Variants in GPX3 observed in about 807,000 individuals in gnomAD.
GPX3 encodes the protein glutathione peroxidase 3.
In GPX3, 22 loss-of-function variants were observed where a neutral mutation model predicts 25.1. That is an observed-to-expected ratio of 0.88 (90% confidence interval 0.63 to 1.25). The LOEUF is 1.25. GPX3 is among the 50% of genes most tolerant of loss of function. GPX3 has a pLI of 0.00. For missense variants in GPX3, 278 were observed against 286.6 expected (o/e 0.97, Z 0.22); for synonymous variants, 110 against 114.5 (o/e 0.96, Z 0.25).
Position 151,027,929 on chromosome 5 carries a change from G to A in GPX3, c.480G>A (p.Ser160=), listed in dbSNP as rs779516716. 34 of 1,613,994 alleles carry A rather than the reference G, an allele frequency of 2.1e-5. No homozygotes were observed. Among genetic ancestry groups the A allele is most frequent in the Admixed American group, 5.0e-5 (3 of 60,002 alleles). ...TCTAGAACTCCTGTCCTCCCACCTC[G>A]GAGCTCCTGGGTACATCTGACCGCC... ...TFLKNSCPPT[S]ELLGTSDRLF... The change falls in exon 5 of 5, where the codon TCG becomes TCA. Residue 160 remains serine (S), a synonymous_variant. Coordinates refer to ENST00000388825, the MANE Select transcript of GPX3 (RefSeq NM_002084.5).
At chr5:151,027,816 T>G (rs553621726) in intron 4 of GPX3, 93 bp from the exon 5 acceptor site, 1 of 1,094,216 alleles carries the variant, frequency 9.1e-7, no homozygotes, top group African/African-American at 1.5e-5. Context: ...GGGGCTCTTT[T>G]CTCAGGGCCA....
chr5:151,026,829 G>T, intron 2 of GPX3, 71 bp from the exon 3 acceptor site: 1 of 1,089,510 alleles, frequency 9.2e-7, no homozygotes, highest in South Asian at 1.4e-5. Flanking sequence ...GGGTGAGCCG[G>T]GGGAGTGGTG....
In GPX3 at chr5:151,020,651, C is replaced by T. The variant is rs1396576513; in HGVS notation, c.-4C>T. On this transcript the variant is annotated 5_prime_UTR_variant, in exon 1 of 5. Coordinates refer to ENST00000388825, the MANE Select transcript of GPX3 (RefSeq NM_002084.5). ...GGCGACCCTGAGTGTGCCCCCACCC[C>T]GCCATGGCCCGGCTGCTGCAGGCGT... is the stretch of plus-strand genomic sequence containing the variant. The T allele has an allele frequency of 6.2e-7, 1 of 1,605,916 alleles. No homozygotes were observed. The highest frequency in any genetic ancestry group is 1.7e-5 in the Admixed American group (1 of 59,572).
In GPX3 at chr5:151,028,977, C is replaced by T. The variant is rs1756621666; in HGVS notation, c.*847C>T. 3 of 152,834 alleles carry T rather than the reference C, an allele frequency of 2.0e-5. No homozygotes were observed. The South Asian group carries it at 6.2e-4, about 32-fold the overall frequency. 9.5% of individuals were successfully genotyped at this position (152,834 alleles called of 1,614,324 possible). A position where few individuals can be genotyped will look rare whatever the true frequency, so the allele number is the denominator to read the frequency against. ...CTCACCCCGTCTGCCCAGTAAAAGC[C>T]TTTCTGCAGCAGCTGAGCCTACTGT... is the stretch of plus-strand genomic sequence containing the variant. On this transcript the variant is annotated 3_prime_UTR_variant, in exon 5 of 5. Coordinates refer to ENST00000388825, the MANE Select transcript of GPX3 (RefSeq NM_002084.5).
rs759363512 is a variant in GPX3 at position 151,025,381 on chromosome 5, C to T, written c.129C>T (p.Tyr43=). The T allele has an allele frequency of 9.3e-6, 15 of 1,609,502 alleles. No homozygotes were observed. The highest frequency in any genetic ancestry group is 4.5e-5 in the East Asian group (2 of 44,412). The change falls in exon 2 of 5, where the codon TAC becomes TAT. Residue 43 remains tyrosine, a synonymous_variant. Coordinates refer to ENST00000388825, the MANE Select transcript of GPX3 (RefSeq NM_002084.5). ...GCATAAGTGGCACCATTTACGAGTA[C>T]GGAGCCCTCACCATTGATGGGGAGG... ...HGGISGTIYE[Y]GALTIDGEEY...
Position 151,026,881 on chromosome 5 carries a change from CTCTT to C in GPX3, c.242-15_242-12del, listed in dbSNP as rs776752104. The stretch of plus-strand genomic sequence containing the variant: ...CCTCGCCAGGATACTCCCACATCTG[CTCTT>C]TCTCTTTGGCCCAGAACTGAATGCA... On this transcript the variant is annotated splice_polypyrimidine_tract_variant and intron_variant, in intron 2 of 4. Transcript: ENST00000388825. 3.9e-4 allele frequency: 612 copies of C among 1,572,558 alleles called. No homozygotes were observed. Among genetic ancestry groups the C allele is most frequent in the Non-Finnish European group, 4.9e-4 (566 of 1,143,888 alleles).
rs1486569836 is a variant in GPX3 at position 151,027,514 on chromosome 5, T to A, written c.442T>A (p.Phe148Ile). The A allele has an allele frequency of 6.2e-7, 1 of 1,610,754 alleles. No homozygotes were observed. Among genetic ancestry groups the A allele is most frequent in the Non-Finnish European group, 8.5e-7 (1 of 1,176,964 alleles). The change falls in exon 4 of 5, where the codon TTC becomes ATC. Residue 148 changes from phenylalanine (F) to isoleucine (I), a missense_variant. By Grantham distance (21) the Phe-to-Ile change is conservative. Transcript: ENST00000388825. ...GDVNGEKEQK[F>I]YTFLKNSCPP... ...TGTCAATGGAGAGAAAGAGCAGAAA[T>A]TCTACACTTTCCTAAAGGTAAGTGA...
intron 1 of GPX3, among the ~76,000 whole-genome samples, chr5:151,022,950 C>T (rs8177423): frequency 0.01 from 1,540 of 152,222 alleles, 31 homozygotes; most frequent in South Asian, 0.095. Flanking sequence ...ACAGCAAAGC[C>T]CAGCACTCAG....
In GPX3 at chr5:151,028,483, A is replaced by G; in HGVS notation, c.*353A>G. The G allele has an allele frequency of 7.1e-6, 2 of 282,410 alleles. No homozygotes were observed. Among genetic ancestry groups the G allele is most frequent in the South Asian group, 3.7e-5 (1 of 27,172 alleles). The allele number at this position is 282,410 out of a possible 1,614,324, so 17.5% of individuals were successfully genotyped here. On this transcript the variant is annotated 3_prime_UTR_variant, in exon 5 of 5. Coordinates refer to ENST00000388825, the MANE Select transcript of GPX3 (RefSeq NM_002084.5). ...TTCTCTCCAGTTCTCCACTCCAATGATAATAGTTCACTTACACCTAAACCC... is the reference window on the plus strand; with the variant it reads ...TTCTCTCCAGTTCTCCACTCCAATGGTAATAGTTCACTTACACCTAAACCC...
At chr5:151,022,309 T>C (rs1365120463) in intron 1 of GPX3, among the ~76,000 whole-genome samples, 2 of 152,184 alleles carry the variant, frequency 1.3e-5, no homozygotes. Context: ...GAATAACTCA[T>C]CATAGCTGTG....
chr5:151,027,893 CTT>C lies in GPX3; in HGVS notation c.460-15_460-14del. The C allele has an allele frequency of 6.2e-7, 1 of 1,605,242 alleles. No individual in the cohort carries two copies. Among genetic ancestry groups the C allele is most frequent in the Non-Finnish European group, 8.5e-7 (1 of 1,171,948 alleles). On this transcript the variant is annotated splice_polypyrimidine_tract_variant and intron_variant, in intron 4 of 4. Transcript: ENST00000388825. The stretch of plus-strand genomic sequence containing the variant: ...GGCCTCAAGCAAGGTTGACACTCCT[CTT>C]ATCCCTGCTCTAGAACTCCTGTCCT...
chr5:151,025,862 TG>T (rs1448570952), intron 2 of GPX3, among the ~76,000 whole-genome samples: 2 of 152,340 alleles, frequency 1.3e-5, no homozygotes, highest in East Asian at 1.9e-4. Context: ...TCTGCTTTGG[TG>T]CTTCTCTTGG....
Position 151,027,981 on chromosome 5 carries a change from G to A in GPX3, c.532G>A (p.Asp178Asn), listed in dbSNP as rs556389247. 5 of 1,614,184 alleles carry A rather than the reference G, an allele frequency of 3.1e-6. No individual in the cohort carries two copies. Among genetic ancestry groups the A allele is most frequent in the Admixed American group, 3.3e-5 (2 of 60,034 alleles). Reference protein sequence around the residue: ...RLFWEPMKVHDIRWNFEKFLV... With the variant: ...RLFWEPMKVHNIRWNFEKFLV... The stretch of plus-strand genomic sequence containing the variant: ...CTTCTGGGAACCCATGAAGGTTCAC[G>A]ACATCCGCTGGAACTTTGAGAAGTT... The change falls in exon 5 of 5, where the codon GAC (aspartate) becomes AAC (asparagine). Residue 178 changes from aspartate to asparagine, a missense_variant. Physicochemically the swap from Asp to Asn is conservative, Grantham distance 23 (BLOSUM62 1). Coordinates refer to ENST00000388825, the MANE Select transcript of GPX3 (RefSeq NM_002084.5).
Position 151,020,637 on chromosome 5 carries a change from G to A in GPX3, c.-18G>A. On this transcript the variant is annotated 5_prime_UTR_variant, in exon 1 of 5. In the 5' UTR this introduces an upstream ATG that the reference lacks. Transcript: ENST00000388825. ...CAGGCAGCGGCTCAGGCGACCCTGA[G>A]TGTGCCCCCACCCCGCCATGGCCCG... The A allele has an allele frequency of 6.3e-7, 1 of 1,599,186 alleles. No homozygotes were observed.
In GPX3 at chr5:151,027,547, C is replaced by G; in HGVS notation, c.459+16C>G. On this transcript the variant is annotated intron_variant, in intron 4 of 4. Transcript: ENST00000388825. ...TTTCCTAAAGGTAAGTGAGCTGCCA[C>G]CTGTGCTGGCTGGGGCTGCAGCCCC... 7 of 1,525,530 alleles carry G rather than the reference C, an allele frequency of 4.6e-6. No individual in the cohort carries two copies. The highest frequency in any genetic ancestry group is 4.5e-6 in the Non-Finnish European group (5 of 1,099,714). The allele number at this position is 1,525,530 out of a possible 1,614,324, so 94.5% of individuals were successfully genotyped here.
In GPX3 at chr5:151,027,024, A is replaced by T; in HGVS notation, c.359+7A>T. On this transcript the variant is annotated splice_region_variant and intron_variant, in intron 3 of 4. Coordinates refer to ENST00000388825, the MANE Select transcript of GPX3 (RefSeq NM_002084.5). ...AGATCCTTCCTACCCTCAAGTGAGT[A>T]CTCACTCAGCATCCTGAGAAAGCTC... The T allele has an allele frequency of 6.4e-7, 1 of 1,563,804 alleles. No individual in the cohort carries two copies. Among genetic ancestry groups the T allele is most frequent in the Non-Finnish European group, 8.8e-7 (1 of 1,135,214 alleles).
In GPX3 at chr5:151,022,294, T is replaced by C. The variant is rs75477166; in HGVS notation, c.87+1553T>C. 1.4e-4 allele frequency among the ~76,000 whole-genome samples: 22 copies of C among 152,324 alleles called. No individual in the cohort carries two copies. The East Asian group carries it at 4.2e-3, about 29-fold the overall frequency. On this transcript the variant is annotated intron_variant, in intron 1 of 4. Transcript: ENST00000388825. Reference sequence around the variant, plus strand: ...GAAGGCTAGTGGGGAGAACGTGGACTCCATGAATAACTCATCATAGCTGTG... The same window carrying C: ...GAAGGCTAGTGGGGAGAACGTGGACCCCATGAATAACTCATCATAGCTGTG...
chr5:151,020,774 A>G, intron 1 of GPX3, 33 bp downstream of exon 1: 1 of 1,583,422 alleles, frequency 6.3e-7, no homozygotes, highest in Non-Finnish European at 8.6e-7. Flanking sequence ...GGCCGGGAGA[A>G]AAAACCTAGC....
Position 151,026,920 on chromosome 5 carries a change from G to C in GPX3, c.262G>C (p.Glu88Gln). The change falls in exon 3 of 5, where the codon GAG becomes CAG. Residue 88 changes from glutamate (E) to glutamine (Q), a missense_variant. By Grantham distance (29) the Glu-to-Gln change is conservative. Coordinates refer to ENST00000388825, the MANE Select transcript of GPX3 (RefSeq NM_002084.5). ...QYIELNALQEELAPFGLVILG... is the reference protein window; with the variant it reads ...QYIELNALQEQLAPFGLVILG... The stretch of plus-strand genomic sequence containing the variant: ...CCCAGAACTGAATGCACTACAGGAA[G>C]AGCTTGCACCATTCGGTCTGGTCAT... 2 of 1,613,994 alleles carry C rather than the reference G, an allele frequency of 1.2e-6. No individual in the cohort carries two copies. Among genetic ancestry groups the C allele is most frequent in the Non-Finnish European group, 1.7e-6 (2 of 1,179,872 alleles).
Sources: allele counts gnomAD v4.1 joint callset (sites outside exome capture counted in the v4.1 genomes callset), GRCh38; gene constraint gnomAD v4.1.1; transcripts MANE v1.5; gene names NCBI Gene and HGNC (gene_info 2026-07-23, HGNC 2026-07-21).